The following MYO18A variants were observed in gnomAD, a reference collection of about 807,000 sequenced individuals.
MYO18A encodes unconventional myosin-XVIIIa.
A neutral mutation model predicts 235.8 loss-of-function variants in MYO18A; 78 were observed. That is an observed-to-expected ratio of 0.33 (90% confidence interval 0.28 to 0.40). The LOEUF is 0.40. Ranked by LOEUF, MYO18A falls within the 10% of genes least tolerant of loss-of-function variation. The probability of loss-of-function intolerance (pLI) is 1.00; values close to 1 mark genes in which losing one functional copy is unlikely to be tolerated. For synonymous variants in MYO18A, 977 were observed against 1,077.8 expected, an observed-to-expected ratio of 0.91 and a Z score of 1.83; for missense variants, 2,215 against 2,699.3, an observed-to-expected ratio of 0.82 and a Z score of 3.98.
At chr17:29,107,308 T>C in intron 19 of MYO18A, 119 bp from the exon 20 acceptor site, 2 of 910,770 alleles carry the variant, frequency 2.2e-6, no homozygotes, top group Non-Finnish European at 3.5e-6. Context: ...CTGCAGGGGG[T>C]GGGGAGCCTG....
rs1335026011 is a variant in MYO18A at position 29,117,641 on chromosome 17, A to T, written c.2038+404T>A. Among the ~76,000 whole-genome samples the T allele has an allele frequency of 6.6e-6, 1 of 152,124 alleles. No individual in the cohort carries two copies. Among genetic ancestry groups the T allele is most frequent in the Non-Finnish European group, 1.5e-5 (1 of 68,010 alleles). Reference sequence around the variant, plus strand: ...TAGAAAGTCCTGGGCAAGCACCAAGACAGGGCACGGCGGCCCCTATACCCA... The same window carrying T: ...TAGAAAGTCCTGGGCAAGCACCAAGTCAGGGCACGGCGGCCCCTATACCCA... On this transcript the variant is annotated intron_variant, in intron 10 of 41. Transcript: ENST00000527372. The surrounding 1 kb of genome is among the most constrained non-coding windows in gnomAD (Gnocchi z 4.6).
In MYO18A at chr17:29,120,665, AG is replaced by A; in HGVS notation, c.1678del (p.Leu560SerfsTer90). 1.2e-6 allele frequency: 2 copies of A among 1,613,958 alleles called. No homozygotes were observed. The highest frequency in any genetic ancestry group is 1.7e-6 in the Non-Finnish European group (2 of 1,179,862). ...GCCAGCTTGGTCAAAGTCCAGGGAG[AG>A]GATCTGGGAGAAGCGGGTGGCATTG... ...NGNATRFSQILSLDFDQAGQV... is the reference protein window; with the variant it reads ...NGNATRFSQIXSLDFDQAGQV... On this transcript the variant is annotated frameshift_variant, in exon 7 of 42. Coordinates refer to ENST00000527372, the MANE Select transcript of MYO18A (RefSeq NM_078471.4). LOFTEE classifies it high-confidence loss of function. The surrounding 1 kb of genome is among the most constrained non-coding windows in gnomAD (Gnocchi z 4.2).
intron 1 of MYO18A, among the ~76,000 whole-genome samples, chr17:29,178,775 C>T (rs1010100665): frequency 2.6e-5 from 4 of 152,214 alleles, no homozygotes; most frequent in African/African-American, 9.6e-5. Flanking sequence ...GTTGCCACAA[C>T]AACAGGGCAC....
chr17:29,143,082 A>G (rs1346596869), intron 2 of MYO18A, among the ~76,000 whole-genome samples: 4 of 152,264 alleles, frequency 2.6e-5, no homozygotes, highest in African/African-American at 9.6e-5. Context: ...TGCTGGGATT[A>G]CAGGCGTGAG....
Position 29,167,012 on chromosome 17 carries a change from C to A in MYO18A, c.-72G>T. 6.9e-7 allele frequency: 1 copy of A among 1,451,100 alleles called. No homozygotes were observed. Among genetic ancestry groups the A allele is most frequent in the South Asian group, 1.5e-5 (1 of 67,162 alleles). 89.9% of individuals were successfully genotyped at this position (1,451,100 alleles called of 1,614,324 possible). A position where few individuals can be genotyped will look rare whatever the true frequency, so the allele number is the denominator to read the frequency against. ...TGCTTAGCACAGGGCCTTGGTGCCC[C>A]ACTTTGCTGCTGCAAACAGAAACAC... On this transcript the variant is annotated 5_prime_UTR_variant, in exon 2 of 42. Coordinates refer to ENST00000527372, the MANE Select transcript of MYO18A (RefSeq NM_078471.4).
intron 1 of MYO18A, among the ~76,000 whole-genome samples, chr17:29,170,854 C>T (rs1202838294): frequency 6.6e-6 from 1 of 152,100 alleles, no homozygotes; most frequent in Non-Finnish European, 1.5e-5. Flanking sequence ...AAACAATGCT[C>T]ATATTCATGC....
At chr17:29,179,911 T>C (rs2068611104) in intron 1 of MYO18A, among the ~76,000 whole-genome samples, 1 of 151,984 alleles carries the variant, frequency 6.6e-6, no homozygotes, top group Non-Finnish European at 1.5e-5. Context: ...GCTCGCTCCA[T>C]CGTGGGGCCT....
chr17:29,117,541 C>T lies in MYO18A; in HGVS notation c.2038+504G>A, dbSNP rs1200830107. On this transcript the variant is annotated intron_variant, in intron 10 of 41. Coordinates refer to ENST00000527372, the MANE Select transcript of MYO18A (RefSeq NM_078471.4). The surrounding 1 kb of genome is among the most constrained non-coding windows in gnomAD (Gnocchi z 4.6). ...TCTAAGACACCCCACAGCCTGCAGG[C>T]TCCACTTCCACTCTCAACCTCCAGG... is the stretch of plus-strand genomic sequence containing the variant. 6.6e-6 allele frequency among the ~76,000 whole-genome samples: 1 copy of T among 152,098 alleles called. No individual in the cohort carries two copies. The highest frequency in any genetic ancestry group is 6.5e-5 in the Admixed American group (1 of 15,282).
rs1162709728 is a variant in MYO18A, at chr17:29,106,670, G to T, written c.3441+410C>A. Among the ~76,000 whole-genome samples, 1 of 152,194 alleles carries T rather than the reference G, an allele frequency of 6.6e-6. No homozygotes were observed. The highest frequency in any genetic ancestry group is 1.5e-5 in the Non-Finnish European group (1 of 68,026). On this transcript the variant is annotated intron_variant, in intron 20 of 41. Transcript: ENST00000527372. This position sits in a 1 kb window ranked among gnomAD's most constrained non-coding sequence, Gnocchi z 4.6. ...CAGCCTATGTTCACCTGGCACCACG[G>T]AGGTCTCACCATATCCACCTTCCTT... is the stretch of plus-strand genomic sequence containing the variant.
chr17:29,106,948 T>C lies in MYO18A; in HGVS notation c.3441+132A>G, dbSNP rs1479901611. The C allele has an allele frequency of 5.9e-6, 5 of 843,436 alleles. No homozygotes were observed. The highest frequency in any genetic ancestry group is 2.3e-4 in the Middle Eastern group (1 of 4,370). 52.2% of individuals were successfully genotyped at this position (843,436 alleles called of 1,614,324 possible). On this transcript the variant is annotated intron_variant, in intron 20 of 41. Coordinates refer to ENST00000527372, the MANE Select transcript of MYO18A (RefSeq NM_078471.4). The surrounding 1 kb of genome is among the most constrained non-coding windows in gnomAD (Gnocchi z 4.6). ...GTCTGGGCCCCAGGACACAGCTGGG[T>C]GCTTCCAAAACTGGGAGCCTGAGCA... is the stretch of plus-strand genomic sequence containing the variant.
chr17:29,152,347 G>A (rs548301669), intron 2 of MYO18A, among the ~76,000 whole-genome samples: 7 of 152,314 alleles, frequency 4.6e-5, no homozygotes, highest in South Asian at 2.1e-4. Context: ...TAGGTAGAAA[G>A]ACACCTGGTA....
Position 29,120,521 on chromosome 17 carries a change from C to G in MYO18A, c.1728+95G>C. On this transcript the variant is annotated intron_variant, in intron 7 of 41. Coordinates refer to ENST00000527372, the MANE Select transcript of MYO18A (RefSeq NM_078471.4). The surrounding 1 kb of genome is among the most constrained non-coding windows in gnomAD (Gnocchi z 4.2). Reference sequence around the variant, plus strand: ...GGGTCAATTTTGTTAGGGTAGAATCCCAGGAAAATGAGGCATGGGAGAGAG... The same window carrying G: ...GGGTCAATTTTGTTAGGGTAGAATCGCAGGAAAATGAGGCATGGGAGAGAG... The G allele has an allele frequency of 6.8e-7, 1 of 1,465,984 alleles. No individual in the cohort carries two copies. The highest frequency in any genetic ancestry group is 9.2e-7 in the Non-Finnish European group (1 of 1,090,322). 90.8% of individuals were successfully genotyped at this position (1,465,984 alleles called of 1,614,324 possible). A position where few individuals can be genotyped will look rare whatever the true frequency, so the allele number is the denominator to read the frequency against.
intron 36 of MYO18A, 59 bp from the exon 37 acceptor site, chr17:29,090,157 G>C: frequency 1.9e-6 from 3 of 1,556,810 alleles, no homozygotes; most frequent in Admixed American, 1.9e-5. Context: ...AGGAGACTGC[G>C]TCTGGGGCAG....
chr17:29,094,974 G>C lies in MYO18A; in HGVS notation c.4471C>G (p.Leu1491Val). Residue 1491 changes from leucine (L) to valine (V), a missense_variant, in exon 29 of 42, where the codon CTC (leucine) becomes GTC (valine). Transcript: ENST00000527372. ...REKLQREKDMLLAEAFSLKQQ... is the reference protein window; with the variant it reads ...REKLQREKDMVLAEAFSLKQQ... ...TTCAGGCTGAAAGCCTCAGCGAGGAGCATGTCCTTCTCCCGCTGCAGCTTC... is the reference window on the plus strand; with the variant it reads ...TTCAGGCTGAAAGCCTCAGCGAGGACCATGTCCTTCTCCCGCTGCAGCTTC... The C allele has an allele frequency of 6.2e-7, 1 of 1,607,728 alleles. No homozygotes were observed. Among genetic ancestry groups the C allele is most frequent in the South Asian group, 1.1e-5 (1 of 90,424 alleles).
At chr17:29,095,551 G>T (rs1206360807) in intron 28 of MYO18A, among the ~76,000 whole-genome samples, 1 of 152,178 alleles carries the variant, frequency 6.6e-6, no homozygotes, top group Non-Finnish European at 1.5e-5. Context: ...CAGCAGTGCC[G>T]GCAGGACACC....
chr17:29,133,591 G>T (rs922291071), intron 2 of MYO18A, among the ~76,000 whole-genome samples: 1 of 152,092 alleles, frequency 6.6e-6, no homozygotes, highest in Non-Finnish European at 1.5e-5. Flanking sequence ...GCTTAGGGGA[G>T]AAGCATGACT....
chr17:29,112,914 A>G (rs1040715589), intron 15 of MYO18A, among the ~76,000 whole-genome samples: 1 of 152,248 alleles, frequency 6.6e-6, no homozygotes, highest in Admixed American at 6.5e-5. Flanking sequence ...CGAGCAATGA[A>G]GCAATGAGAT....
At chr17:29,099,800 G>A (rs1394248175) in intron 21 of MYO18A, 38 bp from the exon 22 acceptor site, 1 of 1,602,262 alleles carries the variant, frequency 6.2e-7, no homozygotes, top group Non-Finnish European at 8.5e-7. Flanking sequence ...AGGATACTGG[G>A]CCAGCCCAGC....
intron 21 of MYO18A, 38 bp downstream of exon 21, chr17:29,103,560 TG>T: frequency 6.2e-7 from 1 of 1,604,324 alleles, no homozygotes; most frequent in Non-Finnish European, 8.5e-7. Context: ...CAGGGGCCCC[TG>T]GAGTGAGGCC....
Sources: allele counts gnomAD v4.1 joint callset (sites outside exome capture counted in the v4.1 genomes callset), GRCh38; gene constraint gnomAD v4.1.1; non-coding constraint Gnocchi (gnomAD v3.1); transcripts MANE v1.5; gene names NCBI Gene and HGNC (gene_info 2026-07-23, HGNC 2026-07-21).